Variants in C11orf65 observed in about 807,000 individuals in gnomAD.
C11orf65 encodes the protein protein MFI.
In C11orf65, 38 loss-of-function variants were observed where a neutral mutation model predicts 35.3. That is an observed-to-expected ratio of 1.08 (90% confidence interval 0.83 to 1.41). C11orf65 has a LOEUF of 1.41. Among genes scored for constraint, C11orf65 ranks in the 40% most tolerant of loss-of-function variants. The pLI, the probability that C11orf65 is intolerant of heterozygous loss-of-function variation, is 0.00. For missense variants in C11orf65, 370 were observed against 367.1 expected (o/e 1.01, Z -0.06); for synonymous variants, 105 against 114.4 (o/e 0.92, Z 0.53).
intron 6 of C11orf65, among the ~76,000 whole-genome samples, chr11:108,397,223 A>C (rs371585730): frequency 6.6e-6 from 1 of 151,614 alleles, no homozygotes; most frequent in East Asian, 1.9e-4. Flanking sequence ...CAGGAGGCTA[A>C]GGCAGGAGAA....
intron 3 of C11orf65, among the ~76,000 whole-genome samples, chr11:108,421,139 T>C (rs931021843): frequency 2.0e-5 from 3 of 152,198 alleles, no homozygotes; most frequent in Non-Finnish European, 4.4e-5. Flanking sequence ...TGATAATCTC[T>C]ATTTGTTCAG....
intron 6 of C11orf65, among the ~76,000 whole-genome samples, chr11:108,398,774 T>C (rs2092375407): frequency 6.6e-6 from 1 of 152,260 alleles, no homozygotes; most frequent in Non-Finnish European, 1.5e-5. Context: ...ATAGGTCCCC[T>C]ATTAGAGGCA....
At chr11:108,466,788 C>T (rs1591633317) in intron 1 of C11orf65, among the ~76,000 whole-genome samples, 1 of 152,172 alleles carries the variant, frequency 6.6e-6, no homozygotes, top group Admixed American at 6.5e-5. Context: ...GCCCACAAGA[C>T]GTGTTTGGAT....
intron 2 of C11orf65, among the ~76,000 whole-genome samples, chr11:108,449,300 G>C (rs2093312592): frequency 6.6e-6 from 1 of 151,648 alleles, no homozygotes; most frequent in Admixed American, 6.6e-5. Flanking sequence ...GGTTCATATG[G>C]AACCAAAAAA....
chr11:108,398,758 C>T (rs1055416818), intron 6 of C11orf65, among the ~76,000 whole-genome samples: 1 of 152,140 alleles, frequency 6.6e-6, no homozygotes, highest in Non-Finnish European at 1.5e-5. Flanking sequence ...ACTTCCTTTG[C>T]TGTTAATAGG....
intron 2 of C11orf65, among the ~76,000 whole-genome samples, chr11:108,373,535 G>A (rs2091628550): frequency 6.6e-6 from 1 of 152,198 alleles, no homozygotes; most frequent in East Asian, 1.9e-4. Context: ...AAAGGAAGAA[G>A]TGGGAGGAGC....
chr11:108,453,650 A>T (rs957086550), intron 2 of C11orf65, among the ~76,000 whole-genome samples: 1 of 152,244 alleles, frequency 6.6e-6, no homozygotes, highest in Admixed American at 6.5e-5. Flanking sequence ...TGTAAAATAT[A>T]CGAAATATCT....
Position 108,450,096 on chromosome 11 carries a change from C to G in C11orf65, c.81+11383G>C, listed in dbSNP as rs1284937452. Among the ~76,000 whole-genome samples, 3 of 152,070 alleles carry G rather than the reference C, an allele frequency of 2.0e-5. No individual in the cohort carries two copies. In the East Asian group the frequency reaches 5.8e-4, roughly 29 times the overall value. ...AACCACAATGAGATACCATCTCATA[C>G]CAGTTAGAATGGCGATCATTAAAAA... On this transcript the variant is annotated intron_variant, in intron 2 of 8. Coordinates refer to ENST00000393084, the MANE Select transcript of C11orf65 (RefSeq NM_152587.5).
At chr11:108,339,622 A>G (rs1043791772) in intron 2 of C11orf65, among the ~76,000 whole-genome samples, 1 of 152,076 alleles carries the variant, frequency 6.6e-6, no homozygotes, top group African/African-American at 2.4e-5. Context: ...TTGAAATTCA[A>G]ATTCAGCTCT....
At chr11:108,322,248 A>C (rs1215526442) in intron 6 of C11orf65, among the ~76,000 whole-genome samples, 1 of 151,712 alleles carries the variant, frequency 6.6e-6, no homozygotes, top group Non-Finnish European at 1.5e-5. Flanking sequence ...TCCACCTCCC[A>C]GGTTCAAGCG....
chr11:108,448,250 T>G (rs998741597), intron 2 of C11orf65, among the ~76,000 whole-genome samples: 1 of 152,058 alleles, frequency 6.6e-6, no homozygotes, highest in African/African-American at 2.4e-5. Context: ...TTCCAATCAA[T>G]AGAAAAAGAG....
chr11:108,460,326 CAGAGAGA>C (rs2093458261), intron 2 of C11orf65, among the ~76,000 whole-genome samples: 1 of 152,156 alleles, frequency 6.6e-6, no homozygotes, highest in African/African-American at 2.4e-5. Flanking sequence ...CTGCTGCTAT[CAGAGAGA>C]AAAGAGTGAG....
intron 3 of C11orf65, among the ~76,000 whole-genome samples, chr11:108,429,105 C>G (rs550747214): frequency 6.6e-6 from 1 of 151,952 alleles, no homozygotes; most frequent in African/African-American, 2.4e-5. Context: ...TGTGATCACA[C>G]CACTATGCTC....
At chr11:108,433,673 C>G (rs2093024864) in intron 2 of C11orf65, among the ~76,000 whole-genome samples, 1 of 152,300 alleles carries the variant, frequency 6.6e-6, no homozygotes, top group Non-Finnish European at 1.5e-5. Context: ...TCTTGGAAGT[C>G]ACAGCAACAT....
Position 108,382,875 on chromosome 11 carries a change from C to A in C11orf65, c.*146G>T. 6.7e-7 allele frequency: 1 copy of A among 1,503,106 alleles called. No individual in the cohort carries two copies. The highest frequency in any genetic ancestry group is 8.8e-7 in the Non-Finnish European group (1 of 1,136,932). 93.1% of individuals were successfully genotyped at this position (1,503,106 alleles called of 1,614,324 possible). ...TTGTATTCAGTCCAGTGTTCTATTTCTGCTCAATCTTCCTTACTTAACTGA... is the reference window on the plus strand; with the variant it reads ...TTGTATTCAGTCCAGTGTTCTATTTATGCTCAATCTTCCTTACTTAACTGA... On this transcript the variant is annotated 3_prime_UTR_variant, in exon 9 of 9. Coordinates refer to ENST00000393084, the MANE Select transcript of C11orf65 (RefSeq NM_152587.5).
intron 2 of C11orf65, chr11:108,368,525 T>C: frequency 4.6e-6 from 1 of 217,102 alleles, no homozygotes; most frequent in East Asian, 6.9e-5. Flanking sequence ...GAGAAATAAG[T>C]TGTCCAAGGC....
intron 1 of C11orf65, among the ~76,000 whole-genome samples, chr11:108,464,572 G>A (rs931889072): frequency 6.6e-6 from 1 of 152,096 alleles, no homozygotes; most frequent in African/African-American, 2.4e-5. Flanking sequence ...ATGTTGGTCA[G>A]AATGGTCTCC....
chr11:108,344,299 T>C (rs2088001289), intron 2 of C11orf65, among the ~76,000 whole-genome samples: 1 of 151,844 alleles, frequency 6.6e-6, no homozygotes, highest in Non-Finnish European at 1.5e-5. Flanking sequence ...GAGGAAAAGG[T>C]GTGTGAGCCG....
rs111716770 is a variant in C11orf65, at chr11:108,337,957, T to C, written c.227-2665A>G. 8.0e-3 allele frequency among the ~76,000 whole-genome samples: 1,223 copies of C among 152,378 alleles called. 10 individuals are homozygous for C. The highest frequency in any genetic ancestry group is 0.027 in the African/African-American group (1,126 of 41,588). On this transcript the variant is annotated intron_variant, in intron 2 of 3. Transcript: ENST00000524755. ...AAAAAAGCAAATGCCTGACCTAGAA[T>C]ATCTTGAAAGCAGAAATTACTGAAC...
Sources: allele counts gnomAD v4.1 joint callset (sites outside exome capture counted in the v4.1 genomes callset), GRCh38; gene constraint gnomAD v4.1.1; transcripts MANE v1.5; gene names NCBI Gene and HGNC (gene_info 2026-07-23, HGNC 2026-07-21).